SSX2IP: variants seen among roughly 807,000 people sequenced by gnomAD.
The protein encoded by SSX2IP is afadin- and alpha-actinin-binding protein.
A neutral mutation model predicts 84.9 loss-of-function variants in SSX2IP; 55 were observed. The ratio of observed to expected loss-of-function variants is 0.65; its 90% CI spans 0.52 to 0.81. SSX2IP has a LOEUF of 0.81. SSX2IP is among the 30% of genes least tolerant of loss of function. The pLI is 0.00. For synonymous variants in SSX2IP, 239 were observed against 234.7 expected (o/e 1.02, Z -0.17); for missense variants, 664 against 705.2 (o/e 0.94, Z 0.66).
chr1:84,677,572 A>T (rs1410873442), intron 1 of SSX2IP, among the ~76,000 whole-genome samples: 1 of 152,156 alleles, frequency 6.6e-6, no homozygotes, highest in Non-Finnish European at 1.5e-5. Flanking sequence ...TTTATTGACT[A>T]GCTTCCAACA....
intron 3 of SSX2IP, 158 bp from the exon 4 acceptor site, chr1:84,670,051 C>T: frequency 1.8e-6 from 1 of 567,066 alleles, no homozygotes. Flanking sequence ...CCTGAAATTG[C>T]TGAGCAAGTA....
At chr1:84,656,124 CA>C in intron 10 of SSX2IP, 119 bp from the exon 11 acceptor site, 1 of 1,052,906 alleles carries the variant, frequency 9.5e-7, no homozygotes, top group Non-Finnish European at 1.3e-6. Flanking sequence ...TATTAAGAAT[CA>C]AAAAGTCAAA....
intron 1 of SSX2IP, among the ~76,000 whole-genome samples, chr1:84,682,285 T>C (rs1252193531): frequency 6.6e-6 from 1 of 152,204 alleles, no homozygotes. Context: ...GAGAGAGCGC[T>C]GGACTGAGTA....
At chr1:84,659,097 T>A (rs940915644) in intron 8 of SSX2IP, among the ~76,000 whole-genome samples, 1 of 152,218 alleles carries the variant, frequency 6.6e-6, no homozygotes, top group African/African-American at 2.4e-5. Context: ...AAGGGATATA[T>A]GTCATAATAA....
At position 84,683,691 on chromosome 1, in the gene SSX2IP, G is replaced by A. The variant is rs563065252; in HGVS notation, c.-90+6680C>T. ...TGAATGAATGTCCAAGTTCAAGGAT[G>A]TATTAGTGTAAGGTTTGCTGCTGTT... On this transcript the variant is annotated intron_variant, in intron 1 of 13. Transcript: ENST00000342203. Among the ~76,000 whole-genome samples the A allele has an allele frequency of 9.8e-5, 15 of 152,332 alleles. No homozygotes were observed. In the South Asian group the frequency reaches 3.1e-3, roughly 32 times the overall value.
In SSX2IP at chr1:84,655,832, C is replaced by T; in HGVS notation, c.1389G>A (p.Glu463=). ...FTEAAIRLGL[E]RKAFEEERAS... ...AAAGCACTACAATTGTTTAAAATAC[C>T]TCCAATCCCAGGCGAATAGCGGCTT... The change falls in exon 11 of 14, where the codon GAG becomes GAA. Residue 463 remains glutamate (E), a splice_region_variant and synonymous_variant. Transcript: ENST00000342203. 1 of 1,612,914 alleles carries T rather than the reference C, an allele frequency of 6.2e-7. No homozygotes were observed. Among genetic ancestry groups the T allele is most frequent in the Non-Finnish European group, 8.5e-7 (1 of 1,179,486 alleles).
intron 1 of SSX2IP, among the ~76,000 whole-genome samples, chr1:84,682,387 C>A (rs1655198502): frequency 6.6e-6 from 1 of 152,084 alleles, no homozygotes; most frequent in Non-Finnish European, 1.5e-5. Context: ...ATTATGAAGT[C>A]AAACTAGATG....
chr1:84,654,838 C>G (rs1557472912), intron 11 of SSX2IP, among the ~76,000 whole-genome samples: 1 of 151,988 alleles, frequency 6.6e-6, no homozygotes, highest in Non-Finnish European at 1.5e-5. Context: ...AGAGGACAAA[C>G]TATGAATGTG....
chr1:84,650,636 A>T (rs1650090079), intron 12 of SSX2IP, 109 bp from the exon 13 acceptor site: 1 of 1,131,196 alleles, frequency 8.8e-7, no homozygotes, highest in Non-Finnish European at 1.3e-6. Flanking sequence ...GAGGAAAGAG[A>T]TGGAACAAAT....
Position 84,658,328 on chromosome 1 carries a change from AAGC to A in SSX2IP, c.1065_1067del (p.Lys355_Leu356delinsAsn), listed in dbSNP as rs1300209218. ...AGAAGCAGTGGTTACCTTGGTTATC[AAGC>A]TTTTCTACATGACTTTTCAAAATTC... On this transcript the variant is annotated inframe_deletion, in exon 9 of 14. Transcript: ENST00000342203. 3.7e-6 allele frequency: 6 copies of A among 1,614,068 alleles called. No homozygotes were observed. The highest frequency in any genetic ancestry group is 5.1e-6 in the Non-Finnish European group (6 of 1,179,994).
chr1:84,647,732 A>T, intron 13 of SSX2IP, 125 bp from the exon 14 acceptor site: 2 of 626,912 alleles, frequency 3.2e-6, no homozygotes, highest in East Asian at 4.2e-5. Context: ...GGCCAAAAAT[A>T]TAATTTAAAA....
Position 84,647,360 on chromosome 1 carries a change from A to C in SSX2IP, c.*73T>G. The C allele has an allele frequency of 7.4e-7, 1 of 1,353,778 alleles. No individual in the cohort carries two copies. Among genetic ancestry groups the C allele is most frequent in the Non-Finnish European group, 9.9e-7 (1 of 1,005,548 alleles). The allele number at this position is 1,353,778 out of a possible 1,614,324, so 83.9% of individuals were successfully genotyped here. On this transcript the variant is annotated 3_prime_UTR_variant, in exon 14 of 14. Transcript: ENST00000342203. ...TAAGTTATTAGAGATAACTGACTTT[A>C]TGACACACCCTGTTTCAACTTAGAT...
At chr1:84,686,995 A>T (rs935035381) in intron 1 of SSX2IP, among the ~76,000 whole-genome samples, 3 of 152,324 alleles carry the variant, frequency 2.0e-5, no homozygotes, top group Admixed American at 2.0e-4. Flanking sequence ...ACAAAAAAAA[A>T]ATCCTGTCTT....
chr1:84,680,646 C>T (rs1422969338), intron 1 of SSX2IP, among the ~76,000 whole-genome samples: 2 of 151,078 alleles, frequency 1.3e-5, no homozygotes, highest in Non-Finnish European at 3.0e-5. Flanking sequence ...CTTATTTAGT[C>T]CTCAGGAAAA....
At chr1:84,651,195 T>C (rs1450124631) in intron 12 of SSX2IP, among the ~76,000 whole-genome samples, 1 of 152,100 alleles carries the variant, frequency 6.6e-6, no homozygotes, top group Non-Finnish European at 1.5e-5. Flanking sequence ...TGTGTGCCTA[T>C]AGTCTCAGCT....
Position 84,666,176 on chromosome 1 carries a change from C to T in SSX2IP, c.483G>A (p.Gln161=). 6.2e-7 allele frequency: 1 copy of T among 1,612,908 alleles called. No individual in the cohort carries two copies. Among genetic ancestry groups the T allele is most frequent in the Non-Finnish European group, 8.5e-7 (1 of 1,179,358 alleles). The stretch of plus-strand genomic sequence containing the variant: ...GCAAATTCCTGTTCTTACATTGTAA[C>T]TGTCTGTCTCTTTCCTGAAGCCCAA... ...EMIGLQERDR[Q]LQCKNRNLHQ... The change falls in exon 5 of 14, where the codon CAG becomes CAA. Residue 161 remains glutamine (Q), a synonymous_variant. Transcript: ENST00000342203.
Position 84,670,681 on chromosome 1 carries a change from C to T in SSX2IP, c.178G>A (p.Asp60Asn). Residue 60 changes from aspartate to asparagine, a missense_variant, in exon 3 of 14, where the codon GAT becomes AAT. Coordinates refer to ENST00000342203, the MANE Select transcript of SSX2IP (RefSeq NM_001166293.2). ...TATGAGATACTCTGTTCAATATTAT[C>T]TTCTGTGCAGAAGGCACTGAAAAAA... ...HSFFSAFCTE[D>N]NIEQSISYLD... 1 of 1,611,616 alleles carries T rather than the reference C, an allele frequency of 6.2e-7. No homozygotes were observed. Among genetic ancestry groups the T allele is most frequent in the Non-Finnish European group, 8.5e-7 (1 of 1,178,682 alleles).
chr1:84,662,356 T>G lies in SSX2IP; in HGVS notation c.769A>C (p.Lys257Gln). 6.2e-7 allele frequency: 1 copy of G among 1,607,788 alleles called. No individual in the cohort carries two copies. The highest frequency in any genetic ancestry group is 8.5e-7 in the Non-Finnish European group (1 of 1,177,938). ...TATTCATAATCATTCAAGAGAATTT[T>G]ATACATTTCATCTTCATTCCTGAGA... ...TEARNEDEMYKILLNDYEYRQ... is the reference protein window; with the variant it reads ...TEARNEDEMYQILLNDYEYRQ... The change falls in exon 8 of 14, where the codon AAA becomes CAA. Residue 257 changes from lysine to glutamine, a missense_variant. Lys to Gln is a moderately conservative substitution (Grantham distance 53). Transcript: ENST00000342203.
chr1:84,677,459 C>T (rs1227697309), intron 1 of SSX2IP, among the ~76,000 whole-genome samples: 2 of 152,082 alleles, frequency 1.3e-5, no homozygotes, highest in Non-Finnish European at 2.9e-5. Flanking sequence ...ACAACAATAC[C>T]TTGTAGAACT....
Sources: gnomAD v4.1 joint callset for allele counts (sites outside exome capture counted in the v4.1 genomes callset) on GRCh38, gnomAD v4.1.1 for gene constraint, MANE v1.5 for transcripts, NCBI Gene and HGNC (gene_info 2026-07-23, HGNC 2026-07-21) for gene names.